MAP4K4: variants seen among roughly 807,000 people sequenced by gnomAD.
MAP4K4 encodes mitogen-activated protein kinase kinase kinase kinase 4, also known as HPK/GCK-like kinase HGK.
MAP4K4 carries 38 observed loss-of-function variants against 189.6 expected under a neutral mutation model. The ratio of observed to expected loss-of-function variants is 0.20; its 90% CI spans 0.15 to 0.26. MAP4K4 has a LOEUF of 0.26. MAP4K4 is among the 10% of genes least tolerant of loss of function. MAP4K4 has a pLI of 1.00. For synonymous variants in MAP4K4, 610 were observed against 624.3 expected (o/e 0.98, Z 0.34); for missense variants, 1,054 against 1,726.9 (o/e 0.61, Z 6.91).
chr2:101,781,190 C>T (rs1423380113), intron 2 of MAP4K4, among the ~76,000 whole-genome samples: 1 of 152,084 alleles, frequency 6.6e-6, no homozygotes, highest in Admixed American at 6.6e-5. Context: ...TGCCAGTCTC[C>T]CTCTTCAAAC....
intron 2 of MAP4K4, among the ~76,000 whole-genome samples, chr2:101,707,400 G>T (rs1032269382): frequency 6.6e-6 from 1 of 151,856 alleles, no homozygotes; most frequent in Non-Finnish European, 1.5e-5. Context: ...GTAGAAATGG[G>T]GTTTGACTAT....
chr2:101,776,501 G>C (rs2084196965), intron 2 of MAP4K4, among the ~76,000 whole-genome samples: 1 of 150,860 alleles, frequency 6.6e-6, no homozygotes, highest in Non-Finnish European at 1.5e-5. Context: ...CTAGAAATCT[G>C]GGTTTAAAAA....
At chr2:101,826,354 A>G (rs1490326442) in intron 5 of MAP4K4, among the ~76,000 whole-genome samples, 1 of 151,704 alleles carries the variant, frequency 6.6e-6, no homozygotes, top group African/African-American at 2.4e-5. Context: ...GAAATGTTTA[A>G]TTTTTTTTTA....
intron 2 of MAP4K4, among the ~76,000 whole-genome samples, chr2:101,773,409 C>T (rs182402553): frequency 1.1e-3 from 160 of 152,292 alleles, no homozygotes; most frequent in African/African-American, 3.7e-3. Flanking sequence ...TTCCCCACCC[C>T]GCAATTGCCT....
At position 101,825,443 on chromosome 2, in the gene MAP4K4, G is replaced by A. The variant is rs1247753640; in HGVS notation, c.417+14G>A. The A allele has an allele frequency of 1.9e-6, 3 of 1,550,840 alleles. No homozygotes were observed. Among genetic ancestry groups the A allele is most frequent in the Middle Eastern group, 1.7e-4 (1 of 5,918 alleles). On this transcript the variant is annotated intron_variant, in intron 5 of 32. Coordinates refer to ENST00000324219, the Ensembl canonical transcript of MAP4K4. ...GAAATCCTGAGGGTAAGGAAAGTGG[G>A]TGGCTACAGTGCTCCAACTCATGAT...
chr2:101,709,545 G>A (rs991295993), intron 2 of MAP4K4, among the ~76,000 whole-genome samples: 1 of 152,092 alleles, frequency 6.6e-6, no homozygotes, highest in African/African-American at 2.4e-5. Context: ...CTTTCTTATC[G>A]CTATGAAGAC....
chr2:101,773,432 T>C (rs923865855), intron 2 of MAP4K4, among the ~76,000 whole-genome samples: 2 of 152,254 alleles, frequency 1.3e-5, no homozygotes, highest in Admixed American at 6.5e-5. Flanking sequence ...AATTTTTTTC[T>C]TGTGAGTACA....
At chr2:101,870,886 G>A (rs373671232) in intron 23 of MAP4K4, among the ~76,000 whole-genome samples, 8 of 152,168 alleles carry the variant, frequency 5.3e-5, no homozygotes, top group East Asian at 1.9e-4. Flanking sequence ...AGAAGGGTTC[G>A]GGAGGTTTCT....
In MAP4K4 at chr2:101,888,647, T is replaced by A. The variant is rs2098522393; in HGVS notation, c.3932-149T>A. The A allele has an allele frequency of 7.3e-6, 4 of 548,810 alleles. No homozygotes were observed. In the East Asian group the frequency reaches 1.4e-4, roughly 19 times the overall value. The allele number at this position is 548,810 out of a possible 1,614,324, so 34.0% of individuals were successfully genotyped here. A position where few individuals can be genotyped will look rare whatever the true frequency, so the allele number is the denominator to read the frequency against. ...AAGGTGGTTACAAAGGCAGAGTTCC[T>A]TGAAAACAAATCCTTAAATGCTAGG... On this transcript the variant is annotated intron_variant, in intron 31 of 32. Coordinates refer to ENST00000324219, the Ensembl canonical transcript of MAP4K4.
intron 12 of MAP4K4, among the ~76,000 whole-genome samples, chr2:101,848,096 G>A (rs1033528530): frequency 6.6e-6 from 1 of 152,146 alleles, no homozygotes; most frequent in Non-Finnish European, 1.5e-5. Flanking sequence ...GTTTGTGTGT[G>A]CACACTATAT....
intron 3 of MAP4K4, among the ~76,000 whole-genome samples, chr2:101,794,268 C>T (rs1290611669): frequency 1.3e-5 from 2 of 152,074 alleles, no homozygotes; most frequent in South Asian, 2.1e-4. Flanking sequence ...ATTCAGTTTT[C>T]CTGATAAAAT....
intron 24 of MAP4K4, 55 bp downstream of exon 24, chr2:101,871,740 G>A (rs201624581): frequency 1.5e-4 from 222 of 1,479,250 alleles, no homozygotes; most frequent in Non-Finnish European, 1.9e-4. Flanking sequence ...GCACTGCCTA[G>A]GAGTTAGTTT....
chr2:101,727,865 A>T (rs2056408175), intron 2 of MAP4K4, among the ~76,000 whole-genome samples: 1 of 152,142 alleles, frequency 6.6e-6, no homozygotes, highest in South Asian at 2.1e-4. Flanking sequence ...GCTACTCGGG[A>T]GGTTGAGGCA....
At chr2:101,844,369 GTAGT>G in intron 12 of MAP4K4, 58 bp downstream of exon 12, 1 of 1,400,138 alleles carries the variant, frequency 7.1e-7, no homozygotes, top group Non-Finnish European at 9.9e-7. Flanking sequence ...ATTTACACTG[GTAGT>G]TAGCCACTCA....
At chr2:101,707,405 G>C (rs2042902151) in intron 2 of MAP4K4, among the ~76,000 whole-genome samples, 1 of 151,864 alleles carries the variant, frequency 6.6e-6, no homozygotes, top group Non-Finnish European at 1.5e-5. Flanking sequence ...AATGGGGTTT[G>C]ACTATGTTGG....
At chr2:101,748,307 C>T (rs2066693745) in intron 2 of MAP4K4, among the ~76,000 whole-genome samples, 1 of 152,164 alleles carries the variant, frequency 6.6e-6, no homozygotes, top group Non-Finnish European at 1.5e-5. Context: ...GTATGTGCCT[C>T]TGTGTATATG....
chr2:101,855,686 T>A (rs2097430793), intron 12 of MAP4K4, among the ~76,000 whole-genome samples: 1 of 152,202 alleles, frequency 6.6e-6, no homozygotes, highest in South Asian at 2.1e-4. Context: ...GAATAAAGAA[T>A]TTTCTGTCCC....
At chr2:101,893,479 A>T in exon 33 of MAP4K4, 1 of 340,646 alleles carries the variant, frequency 2.9e-6, no homozygotes, top group South Asian at 2.3e-5. Context: ...CTTGTAATTT[A>T]TATCCATGTT....
intron 2 of MAP4K4, among the ~76,000 whole-genome samples, chr2:101,763,103 C>T (rs1394279212): frequency 1.3e-5 from 2 of 152,194 alleles, no homozygotes; most frequent in East Asian, 3.9e-4. Flanking sequence ...CTGCTGTGAC[C>T]TCGGGCAATG....
Sources: allele counts gnomAD v4.1 joint callset (sites outside exome capture counted in the v4.1 genomes callset), GRCh38; gene constraint gnomAD v4.1.1; transcripts MANE v1.5; gene names NCBI Gene and HGNC (gene_info 2026-07-23, HGNC 2026-07-21).